SLC24A2: variants seen among roughly 807,000 people sequenced by gnomAD.
SLC24A2 encodes the protein solute carrier family 24 member 2, also known as sodium/potassium/calcium exchanger 2.
SLC24A2 carries 36 observed loss-of-function variants against 62.0 expected under a neutral mutation model. The ratio of observed to expected loss-of-function variants is 0.58; its 90% CI spans 0.44 to 0.77. The LOEUF is 0.77. Ranked by LOEUF, SLC24A2 falls within the 30% of genes least tolerant of loss-of-function variation. SLC24A2 has a pLI of 0.00. For missense variants in SLC24A2, 846 were observed against 817.9 expected (o/e 1.03, Z -0.42); for synonymous variants, 358 against 294.0 (o/e 1.22, Z -2.23).
intron 8 of SLC24A2, among the ~76,000 whole-genome samples, chr9:19,544,596 C>A (rs990045756): frequency 2.0e-5 from 3 of 152,112 alleles, no homozygotes; most frequent in Non-Finnish European, 4.4e-5. Flanking sequence ...TTTAGTGTTT[C>A]CTTCAGGAGC....
chr9:20,068,467 T>C, the SLC24A2 span, among the ~76,000 whole-genome samples: 2 of 152,168 alleles, frequency 1.3e-5, no homozygotes, highest in Non-Finnish European at 2.9e-5. Context: ...TCACAGATCC[T>C]AACATATTAT....
chr9:20,250,714 C>T, the SLC24A2 span, among the ~76,000 whole-genome samples: 1 of 152,130 alleles, frequency 6.6e-6, no homozygotes, highest in East Asian at 1.9e-4. Flanking sequence ...GAAAGCTCAA[C>T]ATTGTTATAT....
At chr9:20,139,928 C>T in the SLC24A2 span, among the ~76,000 whole-genome samples, 2 of 152,212 alleles carry the variant, frequency 1.3e-5, no homozygotes, top group African/African-American at 4.8e-5. Flanking sequence ...AGCTAAGGAG[C>T]CCCTTTTGCA....
At chr9:20,036,827 C>CAT in the SLC24A2 span, among the ~76,000 whole-genome samples, 1 of 151,812 alleles carries the variant, frequency 6.6e-6, no homozygotes, top group African/African-American at 2.4e-5. Flanking sequence ...TATGCACACA[C>CAT]ATATATATGT....
the SLC24A2 span, among the ~76,000 whole-genome samples, chr9:20,280,160 A>G: frequency 2.0e-5 from 3 of 152,320 alleles, no homozygotes; most frequent in African/African-American, 7.2e-5. Context: ...CTTGGGAGAA[A>G]GGGAGCAAAA....
chr9:19,940,468 G>C, the SLC24A2 span, among the ~76,000 whole-genome samples: 10 of 152,220 alleles, frequency 6.6e-5, no homozygotes, highest in African/African-American at 2.4e-4. Flanking sequence ...TGTTCTTATT[G>C]AGTGTCAACT....
the SLC24A2 span, among the ~76,000 whole-genome samples, chr9:19,797,001 A>T: frequency 3.3e-5 from 5 of 152,114 alleles, no homozygotes; most frequent in Non-Finnish European, 4.4e-5. Flanking sequence ...TAGTCCTCTA[A>T]TTAAGGCTTT....
At chr9:20,255,153 G>A in the SLC24A2 span, among the ~76,000 whole-genome samples, 1 of 152,200 alleles carries the variant, frequency 6.6e-6, no homozygotes, top group East Asian at 1.9e-4. Flanking sequence ...TCAGGGTTTA[G>A]CGTGTCTAAT....
At chr9:19,623,865 C>G (rs918998175) in intron 2 of SLC24A2, among the ~76,000 whole-genome samples, 1 of 152,128 alleles carries the variant, frequency 6.6e-6, no homozygotes, top group African/African-American at 2.4e-5. Flanking sequence ...AAGGGTTCTG[C>G]GTTGGTGGTA....
At chr9:19,620,300 C>G (rs532005985) in intron 3 of SLC24A2, among the ~76,000 whole-genome samples, 8 of 152,152 alleles carry the variant, frequency 5.3e-5, no homozygotes, top group Admixed American at 5.2e-4. Flanking sequence ...CAGTAAATGA[C>G]GAAGTGCTAA....
the SLC24A2 span, among the ~76,000 whole-genome samples, chr9:20,004,152 C>T: frequency 6.6e-6 from 1 of 152,208 alleles, no homozygotes; most frequent in Non-Finnish European, 1.5e-5. Flanking sequence ...TGAGTACCAG[C>T]TAACAAGCAC....
At chr9:19,686,789 G>T (rs1819894310) in intron 2 of SLC24A2, among the ~76,000 whole-genome samples, 1 of 152,004 alleles carries the variant, frequency 6.6e-6, no homozygotes, top group Non-Finnish European at 1.5e-5. Context: ...CCCAGCCTTG[G>T]GTATGTCTTT....
chr9:20,085,154 C>A, the SLC24A2 span, among the ~76,000 whole-genome samples: 1 of 152,108 alleles, frequency 6.6e-6, no homozygotes, highest in African/African-American at 2.4e-5. Context: ...CACCACTATG[C>A]CCAGCTAATT....
the SLC24A2 span, among the ~76,000 whole-genome samples, chr9:19,823,113 T>C: frequency 2.0e-5 from 3 of 152,314 alleles, no homozygotes; most frequent in East Asian, 5.8e-4. Flanking sequence ...ATACCACTTA[T>C]TAGCTTGGTT....
the SLC24A2 span, among the ~76,000 whole-genome samples, chr9:20,000,225 C>G: frequency 6.6e-6 from 1 of 152,104 alleles, no homozygotes; most frequent in Non-Finnish European, 1.5e-5. Flanking sequence ...TTTGAAGTAC[C>G]ATTAGGTGCC....
chr9:20,103,078 C>T, the SLC24A2 span, among the ~76,000 whole-genome samples: 8 of 152,326 alleles, frequency 5.3e-5, no homozygotes, highest in South Asian at 2.1e-4. Context: ...CCTACGCCCA[C>T]GGAGTCTCAC....
the SLC24A2 span, among the ~76,000 whole-genome samples, chr9:20,036,874 A>ATGTG: frequency 7.4e-5 from 11 of 149,516 alleles, no homozygotes; most frequent in East Asian, 1.6e-3. Flanking sequence ...ATATGTATAT[A>ATGTG]TGTGTGTGTG....
At chr9:19,623,963 A>G (rs1817972021) in intron 2 of SLC24A2, among the ~76,000 whole-genome samples, 1 of 152,204 alleles carries the variant, frequency 6.6e-6, no homozygotes, top group Non-Finnish European at 1.5e-5. Context: ...TAAAAACGCT[A>G]ATAGGGAAAT....
At chr9:19,587,593 C>T (rs1041356281) in intron 5 of SLC24A2, among the ~76,000 whole-genome samples, 15 of 151,838 alleles carry the variant, frequency 9.9e-5, no homozygotes, top group African/African-American at 3.6e-4. Flanking sequence ...CAGATCTAAT[C>T]AAAAGAGAAA....
Sources: allele counts gnomAD v4.1 joint callset (sites outside exome capture counted in the v4.1 genomes callset), GRCh38; gene constraint gnomAD v4.1.1; transcripts MANE v1.5; gene names NCBI Gene and HGNC (gene_info 2026-07-23, HGNC 2026-07-21).